Variants in CACNA2D1 observed in about 807,000 individuals in gnomAD.
The protein encoded by CACNA2D1 is voltage-dependent calcium channel subunit alpha-2/delta-1.
Under a neutral mutation model 171.5 loss-of-function variants are expected in CACNA2D1, and 53 were observed. The ratio of observed to expected loss-of-function variants is 0.31; its 90% CI spans 0.25 to 0.39. CACNA2D1 has a LOEUF of 0.39. CACNA2D1 is among the 10% of genes least tolerant of loss of function. The pLI is 1.00. For synonymous variants in CACNA2D1, 442 were observed against 443.1 expected (o/e 1.00, Z 0.03); for missense variants, 903 against 1,299.8 (o/e 0.69, Z 4.69).
At chr7:82,252,566 ATTTGAT>A (rs1471923512) in intron 3 of CACNA2D1, among the ~76,000 whole-genome samples, 1 of 152,200 alleles carries the variant, frequency 6.6e-6, no homozygotes, top group East Asian at 1.9e-4. Context: ...TGTCACTGCC[ATTTGAT>A]AAGAACTATG....
intron 3 of CACNA2D1, among the ~76,000 whole-genome samples, chr7:82,268,756 T>C (rs1808246128): frequency 6.7e-6 from 1 of 149,002 alleles, no homozygotes; most frequent in Admixed American, 6.7e-5. Context: ...ATTAAGAATG[T>C]TGAATAGAAT....
At chr7:82,297,799 C>A (rs757341153) in intron 3 of CACNA2D1, among the ~76,000 whole-genome samples, 9 of 151,964 alleles carry the variant, frequency 5.9e-5, no homozygotes, top group Non-Finnish European at 1.2e-4. Flanking sequence ...TACTATAAAA[C>A]AAAACGACTA....
At chr7:82,047,222 CA>C (rs1165596200) in intron 10 of CACNA2D1, among the ~76,000 whole-genome samples, 1 of 152,078 alleles carries the variant, frequency 6.6e-6, no homozygotes, top group Non-Finnish European at 1.5e-5. Context: ...ATTTCCATTA[CA>C]AATGTTTTTT....
At chr7:82,196,464 G>A (rs535568504) in intron 3 of CACNA2D1, among the ~76,000 whole-genome samples, 3 of 152,044 alleles carry the variant, frequency 2.0e-5, no homozygotes, top group Non-Finnish European at 4.4e-5. Flanking sequence ...GGGAGAAAAC[G>A]ACAGGATCAC....
At chr7:82,309,147 T>C (rs1220431372) in intron 3 of CACNA2D1, among the ~76,000 whole-genome samples, 1 of 152,182 alleles carries the variant, frequency 6.6e-6, no homozygotes, top group Non-Finnish European at 1.5e-5. Flanking sequence ...GGCTCATGCC[T>C]GTAATACCAG....
At chr7:82,106,983 G>A (rs1787835170) in intron 6 of CACNA2D1, among the ~76,000 whole-genome samples, 1 of 152,140 alleles carries the variant, frequency 6.6e-6, no homozygotes, top group African/African-American at 2.4e-5. Flanking sequence ...TGTCCTCCAT[G>A]AGGCTTTCCT....
intron 3 of CACNA2D1, among the ~76,000 whole-genome samples, chr7:82,275,469 C>T (rs1347278407): frequency 6.6e-6 from 1 of 152,048 alleles, no homozygotes; most frequent in East Asian, 1.9e-4. Flanking sequence ...TGTGAAACCC[C>T]CTATCAGATT....
intron 2 of CACNA2D1, among the ~76,000 whole-genome samples, chr7:82,335,708 C>A (rs1035096947): frequency 3.9e-5 from 6 of 152,064 alleles, no homozygotes; most frequent in South Asian, 4.1e-4. Context: ...ACATATAAAG[C>A]CCCTGCTAAT....
At chr7:82,228,626 G>C (rs1175912488) in intron 3 of CACNA2D1, among the ~76,000 whole-genome samples, 1 of 152,160 alleles carries the variant, frequency 6.6e-6, no homozygotes, top group East Asian at 1.9e-4. Flanking sequence ...ATGAGCTTTA[G>C]TTTTCTAATC....
intron 3 of CACNA2D1, among the ~76,000 whole-genome samples, chr7:82,295,406 T>C (rs1812138463): frequency 6.6e-6 from 1 of 151,758 alleles, no homozygotes; most frequent in Non-Finnish European, 1.5e-5. Context: ...GCGCAATCAC[T>C]GCTCATTGCA....
At chr7:81,990,326 TC>T (rs1382788364) in intron 21 of CACNA2D1, among the ~76,000 whole-genome samples, 1 of 152,196 alleles carries the variant, frequency 6.6e-6, no homozygotes, top group African/African-American at 2.4e-5. Context: ...TTATGTTTTT[TC>T]TTTTAAAGTT....
chr7:82,312,126 T>C (rs1434038956), intron 3 of CACNA2D1, among the ~76,000 whole-genome samples: 1 of 152,196 alleles, frequency 6.6e-6, no homozygotes, highest in Non-Finnish European at 1.5e-5. Context: ...TCATTATCCT[T>C]GTTGCACTTT....
chr7:82,270,396 T>C (rs946100306), intron 3 of CACNA2D1, among the ~76,000 whole-genome samples: 4 of 152,174 alleles, frequency 2.6e-5, no homozygotes, highest in Non-Finnish European at 5.9e-5. Flanking sequence ...TGTTGTGAGA[T>C]ATATAATTGT....
chr7:82,011,402 C>T (rs953194771), intron 15 of CACNA2D1, among the ~76,000 whole-genome samples: 2 of 152,146 alleles, frequency 1.3e-5, no homozygotes, highest in Non-Finnish European at 2.9e-5. Context: ...GCAACCCCTC[C>T]CCTCAAGCCA....
chr7:82,320,213 A>G lies in CACNA2D1; in HGVS notation c.294+14922T>C, dbSNP rs566977617. On this transcript the variant is annotated intron_variant, in intron 3 of 38. Coordinates refer to ENST00000356860, the MANE Select transcript of CACNA2D1 (RefSeq NM_000722.4). The stretch of plus-strand genomic sequence containing the variant: ...TGACATTATTATAATAATTAAAAAT[A>G]TATCTATCATTTAAAATTAAGTCCT... Among the ~76,000 whole-genome samples the G allele has an allele frequency of 2.6e-5, 4 of 152,306 alleles. No individual in the cohort carries two copies. In the East Asian group the frequency reaches 7.7e-4, roughly 29 times the overall value.
At chr7:82,039,987 T>C (rs1477036823) in intron 10 of CACNA2D1, among the ~76,000 whole-genome samples, 1 of 152,186 alleles carries the variant, frequency 6.6e-6, no homozygotes, top group Non-Finnish European at 1.5e-5. Context: ...TTAAGCCAAA[T>C]GTAAAATAAT....
chr7:82,012,001 A>C (rs1049899228), intron 15 of CACNA2D1, 153 bp downstream of exon 15: 1 of 656,110 alleles, frequency 1.5e-6, no homozygotes, highest in African/African-American at 1.8e-5. Flanking sequence ...TTTTTATGTA[A>C]ATTATATAAA....
At chr7:82,335,395 T>C in intron 2 of CACNA2D1, 144 bp from the exon 3 acceptor site, 2 of 655,570 alleles carry the variant, frequency 3.1e-6, no homozygotes, top group Non-Finnish European at 5.4e-6. Flanking sequence ...AGTTTGAGTG[T>C]GTCAGGAAAA....
chr7:81,985,894 G>A (rs1174333153), intron 21 of CACNA2D1, among the ~76,000 whole-genome samples: 1 of 152,070 alleles, frequency 6.6e-6, no homozygotes, highest in Non-Finnish European at 1.5e-5. Context: ...CAGACAAGCT[G>A]GCCATCAAAA....
Sources: gnomAD v4.1 joint callset for allele counts (sites outside exome capture counted in the v4.1 genomes callset) on GRCh38, gnomAD v4.1.1 for gene constraint, MANE v1.5 for transcripts, NCBI Gene and HGNC (gene_info 2026-07-23, HGNC 2026-07-21) for gene names.